CHP1: variants seen among roughly 807,000 people sequenced by gnomAD.
CHP1 encodes calcineurin B homologous protein 1.
Under a neutral mutation model 27.4 loss-of-function variants are expected in CHP1, and 11 were observed. The ratio of observed to expected loss-of-function variants is 0.40; its 90% CI spans 0.25 to 0.67. The LOEUF (loss-of-function observed/expected upper bound fraction) is 0.67, where lower values mean the gene tolerates loss of function less well. CHP1 is among the 30% of genes least tolerant of loss of function. The pLI is 0.38. For missense variants in CHP1, 169 were observed against 251.3 expected, an observed-to-expected ratio of 0.67 and a Z score of 2.22; for synonymous variants, 89 against 87.4, an observed-to-expected ratio of 1.02 and a Z score of -0.10.
intron 4 of CHP1, among the ~76,000 whole-genome samples, chr15:41,263,184 A>G (rs1002000696): frequency 6.6e-6 from 1 of 152,226 alleles, no homozygotes; most frequent in Non-Finnish European, 1.5e-5. Context: ...TGCTTCACAT[A>G]GTGCCTGGCA....
chr15:41,278,332 C>CAAAAAA (rs61453137), intron 5 of CHP1, among the ~76,000 whole-genome samples: 2 of 78,558 alleles, frequency 2.5e-5, no homozygotes, highest in Non-Finnish European at 5.0e-5. Context: ...GACTCCGTCT[C>CAAAAAA]AAAAAAAAAA....
At chr15:41,236,399 C>T (rs2047277160) in intron 1 of CHP1, among the ~76,000 whole-genome samples, 1 of 152,024 alleles carries the variant, frequency 6.6e-6, no homozygotes, top group East Asian at 1.9e-4. Context: ...GTAGCTGGGA[C>T]TACAGGCACA....
chr15:41,268,515 C>T (rs1052374828), intron 4 of CHP1, among the ~76,000 whole-genome samples: 4 of 151,518 alleles, frequency 2.6e-5, no homozygotes, highest in Non-Finnish European at 5.9e-5. Context: ...CGTGGTGGCA[C>T]ATGCCTATAA....
intron 2 of CHP1, among the ~76,000 whole-genome samples, chr15:41,250,355 C>G (rs983074319): frequency 3.9e-5 from 6 of 152,058 alleles, no homozygotes; most frequent in Non-Finnish European, 5.9e-5. Context: ...CTTCAGATGC[C>G]ATTATTTTGG....
chr15:41,273,043 C>T (rs911404648), intron 5 of CHP1, among the ~76,000 whole-genome samples: 36 of 151,040 alleles, frequency 2.4e-4, no homozygotes, highest in African/African-American at 8.5e-4. Context: ...GGCAACAGGG[C>T]GAGACTCCGT....
At chr15:41,255,539 A>G (rs189373977) in intron 2 of CHP1, among the ~76,000 whole-genome samples, 2 of 151,864 alleles carry the variant, frequency 1.3e-5, no homozygotes, top group East Asian at 3.9e-4. Flanking sequence ...CGGGCATGGT[A>G]GCACCCGCTT....
intron 6 of CHP1, 66 bp downstream of exon 6, chr15:41,278,955 G>A (rs2047532752): frequency 6.3e-6 from 10 of 1,597,326 alleles, no homozygotes; most frequent in South Asian, 5.6e-5. Context: ...GCTTACGCCT[G>A]TAATCCCAGC....
intron 3 of CHP1, among the ~76,000 whole-genome samples, chr15:41,258,131 C>T (rs139420699): frequency 1.4e-4 from 21 of 151,524 alleles, no homozygotes; most frequent in Non-Finnish European, 2.6e-4. Flanking sequence ...CATACATACA[C>T]ATACATACAT....
At chr15:41,265,102 C>T (rs1268238230) in intron 4 of CHP1, among the ~76,000 whole-genome samples, 2 of 152,098 alleles carry the variant, frequency 1.3e-5, no homozygotes, top group African/African-American at 4.8e-5. Flanking sequence ...TGGCTCACGC[C>T]TGTAATCCCA....
At chr15:41,253,782 T>C (rs775139041) in intron 2 of CHP1, among the ~76,000 whole-genome samples, 14 of 151,572 alleles carry the variant, frequency 9.2e-5, no homozygotes, top group Non-Finnish European at 1.6e-4. Flanking sequence ...CTCTTTCTGT[T>C]TGTTTTGTTT....
At chr15:41,245,323 T>C (rs1231957241) in intron 2 of CHP1, among the ~76,000 whole-genome samples, 4 of 150,250 alleles carry the variant, frequency 2.7e-5, no homozygotes, top group African/African-American at 1.0e-4. Context: ...TAGCGTGGCG[T>C]GGTGGTGGGC....
chr15:41,269,544 T>G (rs992552070), intron 4 of CHP1, among the ~76,000 whole-genome samples: 11 of 152,150 alleles, frequency 7.2e-5, no homozygotes, highest in African/African-American at 2.7e-4. Flanking sequence ...TTTCCCCAGC[T>G]GCACCAGAAA....
At chr15:41,264,136 C>A (rs1258305675) in intron 4 of CHP1, 1 of 1,093,240 alleles carries the variant, frequency 9.1e-7, no homozygotes, top group Non-Finnish European at 1.2e-6. Context: ...GTTAACAGGG[C>A]TTTTTTTTTT....
chr15:41,250,118 A>G (rs1289193752), intron 2 of CHP1, among the ~76,000 whole-genome samples: 1 of 151,126 alleles, frequency 6.6e-6, no homozygotes, highest in Non-Finnish European at 1.5e-5. Flanking sequence ...GCAAAAAGTT[A>G]TTGACTAAAA....
chr15:41,236,027 AAGC>A (rs2047275053), intron 1 of CHP1, among the ~76,000 whole-genome samples: 1 of 152,066 alleles, frequency 6.6e-6, no homozygotes, highest in Admixed American at 6.6e-5. Flanking sequence ...AAGGAGTAAG[AAGC>A]AACTATTTGT....
intron 2 of CHP1, among the ~76,000 whole-genome samples, chr15:41,248,480 G>A (rs923798097): frequency 6.6e-6 from 1 of 151,640 alleles, no homozygotes; most frequent in Non-Finnish European, 1.5e-5. Context: ...TGCCCATGCT[G>A]GTCTCAAACT....
At chr15:41,271,689 C>G (rs531413224) in intron 5 of CHP1, among the ~76,000 whole-genome samples, 51 of 152,296 alleles carry the variant, frequency 3.3e-4, no homozygotes, top group African/African-American at 1.2e-3. Context: ...TGTTTTCCTA[C>G]TAGCAGTGAC....
chr15:41,269,943 T>C (rs1406403177), intron 4 of CHP1, among the ~76,000 whole-genome samples: 1 of 152,206 alleles, frequency 6.6e-6, no homozygotes, highest in Non-Finnish European at 1.5e-5. Context: ...TGCTTTCTGA[T>C]TCCTATCTCA....
At chr15:41,266,422 G>T (rs28478807) in intron 4 of CHP1, among the ~76,000 whole-genome samples, 55,537 of 151,776 alleles carry the variant, frequency 0.37, 11,207 homozygotes, top group African/African-American at 0.55. Flanking sequence ...TAAGAGAGAA[G>T]TCTAGAGGTC....
Sources: gnomAD v4.1 joint callset for allele counts (sites outside exome capture counted in the v4.1 genomes callset) on GRCh38, gnomAD v4.1.1 for gene constraint, MANE v1.5 for transcripts, NCBI Gene and HGNC (gene_info 2026-07-23, HGNC 2026-07-21) for gene names.